The following TRIM33 variants were observed in gnomAD, a reference collection of about 807,000 sequenced individuals.
TRIM33 encodes E3 ubiquitin-protein ligase TRIM33.
TRIM33 carries 20 observed loss-of-function variants against 125.4 expected under a neutral mutation model. The observed-to-expected ratio is 0.16, with a 90% CI of 0.11 to 0.23. The LOEUF is 0.23. TRIM33 is among the 10% of genes least tolerant of loss of function. The probability of loss-of-function intolerance (pLI) is 1.00; values close to 1 mark genes in which losing one functional copy is unlikely to be tolerated. For synonymous variants in TRIM33, 564 were observed against 513.9 expected (o/e 1.10, Z -1.32); for missense variants, 920 against 1,411.4 (o/e 0.65, Z 5.58).
chr1:114,477,631 A>T lies in TRIM33; in HGVS notation c.527-13243T>A, dbSNP rs576199184. Among the ~76,000 whole-genome samples, 348 of 152,326 alleles carry T rather than the reference A, an allele frequency of 2.3e-3. 1 individual carries two copies. Among genetic ancestry groups the T allele is most frequent in the Non-Finnish European group, 1.9e-3 (126 of 68,028 alleles). Reference sequence around the variant, plus strand: ...AAGTGCTCACAAAATGTAAGCTATTATTACAAGTTACTATTCATCTCAAAG... The same window carrying T: ...AAGTGCTCACAAAATGTAAGCTATTTTTACAAGTTACTATTCATCTCAAAG... On this transcript the variant is annotated intron_variant, in intron 1 of 19. Transcript: ENST00000358465.
At chr1:114,492,174 T>C (rs1055322491) in intron 1 of TRIM33, among the ~76,000 whole-genome samples, 2 of 152,198 alleles carry the variant, frequency 1.3e-5, no homozygotes, top group Admixed American at 1.3e-4. Flanking sequence ...GCACTGCTAT[T>C]ATTAATACTG....
Position 114,397,172 on chromosome 1 carries a change from T to A in TRIM33, c.*476A>T. On this transcript the variant is annotated 3_prime_UTR_variant, in exon 20 of 20. Transcript: ENST00000358465. Reference sequence around the variant, plus strand: ...GACATTAAAGTAGAATCTGAGCTACTTGGGTTTTTAACTAGAAAACAACCT... The same window carrying A: ...GACATTAAAGTAGAATCTGAGCTACATGGGTTTTTAACTAGAAAACAACCT... 8.7e-6 allele frequency: 2 copies of A among 231,022 alleles called. No individual in the cohort carries two copies. The highest frequency in any genetic ancestry group is 1.7e-5 in the Non-Finnish European group (2 of 116,062). 14.3% of individuals were successfully genotyped at this position (231,022 alleles called of 1,614,324 possible). A position where few individuals can be genotyped will look rare whatever the true frequency, so the allele number is the denominator to read the frequency against.
rs965663732 is a variant in TRIM33, at chr1:114,503,820, G to T, written c.526+6731C>A. Among the ~76,000 whole-genome samples, 8 of 152,262 alleles carry T rather than the reference G, an allele frequency of 5.3e-5. No homozygotes were observed. In the East Asian group the frequency reaches 1.5e-3, roughly 29 times the overall value. ...TTCATTCACTTCTGAGAAAATGGCT[G>T]CCAAATACCCATGCCTAAAAACCAT... On this transcript the variant is annotated intron_variant, in intron 1 of 19. Coordinates refer to ENST00000358465, the MANE Select transcript of TRIM33 (RefSeq NM_015906.4).
chr1:114,440,149 T>C (rs1000476985), intron 4 of TRIM33, among the ~76,000 whole-genome samples: 9 of 152,026 alleles, frequency 5.9e-5, no homozygotes, highest in Non-Finnish European at 1.3e-4. Context: ...AATGATTCTG[T>C]GGAAGAGGAG....
chr1:114,445,675 AAG>A (rs1648930936), intron 4 of TRIM33, among the ~76,000 whole-genome samples: 2 of 152,214 alleles, frequency 1.3e-5, no homozygotes, highest in Admixed American at 1.3e-4. Context: ...GCCAAAGAAA[AAG>A]AGGAAATCTT....
At chr1:114,460,592 TTTTTTTTG>T in intron 4 of TRIM33, among the ~76,000 whole-genome samples, 1 of 146,614 alleles carries the variant, frequency 6.8e-6, no homozygotes, top group African/African-American at 2.6e-5. Context: ...TTTTTTTTTT[TTTTTTTTG>T]GTAAACCTCT....
chr1:114,504,467 T>C (rs1477499424), intron 1 of TRIM33, among the ~76,000 whole-genome samples: 1 of 152,226 alleles, frequency 6.6e-6, no homozygotes, highest in Admixed American at 6.5e-5. Context: ...GCAGAGGTGA[T>C]GGCAGTTTTA....
At chr1:114,410,687 A>G (rs947377147) in intron 11 of TRIM33, among the ~76,000 whole-genome samples, 2 of 152,122 alleles carry the variant, frequency 1.3e-5, no homozygotes, top group Admixed American at 1.3e-4. Flanking sequence ...TTAAATAGAA[A>G]TGTAATTATG....
chr1:114,472,470 C>T (rs1258425510), intron 1 of TRIM33, among the ~76,000 whole-genome samples: 1 of 152,214 alleles, frequency 6.6e-6, no homozygotes, highest in African/African-American at 2.4e-5. Context: ...CTGTGGCTCA[C>T]GCCTGTAATC....
At chr1:114,397,885 C>T (rs1356990334) in intron 19 of TRIM33, 25 bp from the exon 20 acceptor site, 1 of 1,613,820 alleles carries the variant, frequency 6.2e-7, no homozygotes, top group African/African-American at 1.3e-5. Flanking sequence ...TAGGAATATT[C>T]ACCTATTGGT....
chr1:114,490,240 C>G (rs912706348), intron 1 of TRIM33, among the ~76,000 whole-genome samples: 11 of 151,712 alleles, frequency 7.3e-5, no homozygotes, highest in African/African-American at 2.7e-4. Flanking sequence ...AAAGTCTGAA[C>G]AGACATTTCA....
At chr1:114,497,040 T>G (rs924619296) in intron 1 of TRIM33, among the ~76,000 whole-genome samples, 2 of 152,212 alleles carry the variant, frequency 1.3e-5, no homozygotes, top group Admixed American at 6.5e-5. Flanking sequence ...TAAAATCCAC[T>G]CACTCTTCTT....
chr1:114,415,962 A>T (rs1306700073), intron 11 of TRIM33, among the ~76,000 whole-genome samples: 1 of 151,462 alleles, frequency 6.6e-6, no homozygotes, highest in East Asian at 1.9e-4. Context: ...AAAAAAAAAA[A>T]AAAGCACAAC....
At chr1:114,417,589 T>C (rs1653017086) in intron 11 of TRIM33, among the ~76,000 whole-genome samples, 1 of 152,188 alleles carries the variant, frequency 6.6e-6, no homozygotes, top group Admixed American at 6.5e-5. Context: ...TTACAGGTAG[T>C]GTGGAGAAAG....
intron 11 of TRIM33, among the ~76,000 whole-genome samples, chr1:114,414,328 G>T (rs1051495285): frequency 1.3e-5 from 2 of 151,966 alleles, no homozygotes; most frequent in Non-Finnish European, 2.9e-5. Flanking sequence ...CTGAGTTTAG[G>T]ATAAAATCCA....
chr1:114,480,521 TA>T (rs34437164), intron 1 of TRIM33, among the ~76,000 whole-genome samples: 61,740 of 108,460 alleles, frequency 0.57, 18,207 homozygotes, highest in African/African-American at 0.83. Flanking sequence ...TGCCCCGCCT[TA>T]AAAAAAAAAA....
At position 114,397,620 on chromosome 1, in the gene TRIM33, T is replaced by TTTTTTTTA; in HGVS notation, c.*27_*28insTAAAAAAA. 8.4e-7 allele frequency: 1 copy of TTTTTTTTA among 1,197,242 alleles called. No individual in the cohort carries two copies. 74.2% of individuals were successfully genotyped at this position (1,197,242 alleles called of 1,614,324 possible). A position where few individuals can be genotyped will look rare whatever the true frequency, so the allele number is the denominator to read the frequency against. On this transcript the variant is annotated 3_prime_UTR_variant, in exon 20 of 20. Transcript: ENST00000358465. The stretch of plus-strand genomic sequence containing the variant: ...TTTTTTTTTTTCGTTTTTTTTTTTT[T>TTTTTTTTA]AAACAATTGATTTAAATCCATGTCA...
chr1:114,414,476 G>A (rs1652803241), intron 11 of TRIM33, among the ~76,000 whole-genome samples: 1 of 152,090 alleles, frequency 6.6e-6, no homozygotes, highest in Non-Finnish European at 1.5e-5. Flanking sequence ...TTCAGACCTT[G>A]TGGGATTTGA....
chr1:114,481,180 G>A (rs564928112), intron 1 of TRIM33, among the ~76,000 whole-genome samples: 3 of 149,828 alleles, frequency 2.0e-5, no homozygotes, highest in African/African-American at 7.4e-5. Flanking sequence ...CTCCAAAAAA[G>A]AAAGAAGAAA....
Sources: allele counts gnomAD v4.1 joint callset (sites outside exome capture counted in the v4.1 genomes callset), GRCh38; gene constraint gnomAD v4.1.1; transcripts MANE v1.5; gene names NCBI Gene and HGNC (gene_info 2026-07-23, HGNC 2026-07-21).